The following PTPRQ variants were observed in gnomAD, a reference collection of about 807,000 sequenced individuals.
PTPRQ encodes protein tyrosine phosphatase receptor type Q, also known as phosphatidylinositol phosphatase PTPRQ.
Under a neutral mutation model 246.0 loss-of-function variants are expected in PTPRQ, and 199 were observed. The observed-to-expected ratio is 0.81, with a 90% CI of 0.72 to 0.91. The LOEUF (loss-of-function observed/expected upper bound fraction) is 0.91, where lower values mean the gene tolerates loss of function less well. PTPRQ is among the 40% of genes least tolerant of loss of function. PTPRQ has a pLI of 0.00. For missense variants in PTPRQ, 2,624 were observed against 2,528.4 expected (o/e 1.04, Z -0.81); for synonymous variants, 869 against 853.2 (o/e 1.02, Z -0.32).
intron 17 of PTPRQ, among the ~76,000 whole-genome samples, chr12:80,521,744 C>A (rs1012734241): frequency 6.6e-6 from 1 of 152,100 alleles, no homozygotes; most frequent in African/African-American, 2.4e-5. Context: ...GTACCAGTAC[C>A]ATGCTGTTTT....
At chr12:80,508,860 G>A (rs555494921) in intron 16 of PTPRQ, among the ~76,000 whole-genome samples, 29 of 152,062 alleles carry the variant, frequency 1.9e-4, no homozygotes, top group African/African-American at 6.5e-4. Flanking sequence ...AAGACACCAC[G>A]CTTTATCTGG....
intron 27 of PTPRQ, among the ~76,000 whole-genome samples, chr12:80,609,526 A>G (rs146447165): frequency 1.0e-3 from 152 of 150,740 alleles, no homozygotes; most frequent in African/African-American, 3.6e-3. Context: ...CCTTCTACTT[A>G]GTGCTAGCAA....
At chr12:80,659,781 A>G (rs1300071211) in intron 39 of PTPRQ, among the ~76,000 whole-genome samples, 1 of 152,086 alleles carries the variant, frequency 6.6e-6, no homozygotes, top group Non-Finnish European at 1.5e-5. Flanking sequence ...TAAATCTTAC[A>G]ACAACGTCAC....
chr12:80,514,558 A>T (rs1281734381), intron 17 of PTPRQ, among the ~76,000 whole-genome samples: 5 of 143,390 alleles, frequency 3.5e-5, no homozygotes, highest in South Asian at 2.1e-4. Flanking sequence ...TATATATATA[A>T]ATATATATTA....
chr12:80,467,417 A>T (rs1210148765), intron 6 of PTPRQ, among the ~76,000 whole-genome samples: 2 of 152,108 alleles, frequency 1.3e-5, no homozygotes, highest in East Asian at 3.9e-4. Context: ...TGGGACTGTA[A>T]ACTAGTTCAA....
chr12:80,444,366 T>C lies in PTPRQ; in HGVS notation c.21T>C (p.Phe7=). The change falls in exon 1 of 45, where the codon TTT becomes TTC. Residue 7 remains phenylalanine, a synonymous_variant. Transcript: ENST00000644991. MDFLII[F]LLLFIGTSET... ...TAAAGATGGATTTTCTTATCATTTTTCTTTTACTTTTTATTGGGACTTCAG... is the reference window on the plus strand; with the variant it reads ...TAAAGATGGATTTTCTTATCATTTTCCTTTTACTTTTTATTGGGACTTCAG... 2 of 1,475,178 alleles carry C rather than the reference T, an allele frequency of 1.4e-6. No homozygotes were observed. The highest frequency in any genetic ancestry group is 1.9e-6 in the Non-Finnish European group (2 of 1,080,890). The allele number at this position is 1,475,178 out of a possible 1,614,324, so 91.4% of individuals were successfully genotyped here.
chr12:80,647,248 GAAT>G lies in PTPRQ; in HGVS notation c.5916-1644_5916-1642del, dbSNP rs1384442943. On this transcript the variant is annotated intron_variant, in intron 35 of 44. Coordinates refer to ENST00000644991, the MANE Select transcript of PTPRQ (RefSeq NM_001145026.2). ...TGCTTAAATTTTGCCAATCACAATG[GAAT>G]AATATTTGCTGTTATTATAAAAGTT... 2.6e-5 allele frequency among the ~76,000 whole-genome samples: 4 copies of G among 152,130 alleles called. No homozygotes were observed. In the East Asian group the frequency reaches 5.8e-4, roughly 22 times the overall value.
intron 33 of PTPRQ, among the ~76,000 whole-genome samples, chr12:80,629,126 G>A (rs767215369): frequency 2.0e-5 from 3 of 151,640 alleles, no homozygotes; most frequent in Admixed American, 6.6e-5. Context: ...TATGGTGGGG[G>A]GAGGAGGAGG....
chr12:80,457,597 G>A lies in PTPRQ; in HGVS notation c.413G>A (p.Gly138Asp), dbSNP rs74814860. Reference sequence around the variant, plus strand: ...TAGGTTGCTGCTGAAAACAGTGCTGGCATTGGAGTGTTTAGTGATCCATTT... The same window carrying A: ...TAGGTTGCTGCTGAAAACAGTGCTGACATTGGAGTGTTTAGTGATCCATTT... ...EIKVAAENSA[G>D]IGVFSDPFLF... The change falls in exon 4 of 45, where the codon GGC becomes GAC. Residue 138 changes from glycine (G) to aspartate (D), a missense_variant. Physicochemically the swap from Gly to Asp is moderately conservative, Grantham distance 94. Transcript: ENST00000644991. The A allele has an allele frequency of 3.1e-3, 1,248 of 400,236 alleles. 13 individuals carry two copies. Among genetic ancestry groups the A allele is most frequent in the African/African-American group, 0.018 (863 of 48,760 alleles). The allele number at this position is 400,236 out of a possible 1,614,324, so 24.8% of individuals were successfully genotyped here.
chr12:80,470,455 C>G (rs1189248205), intron 7 of PTPRQ, among the ~76,000 whole-genome samples: 1 of 152,040 alleles, frequency 6.6e-6, no homozygotes, highest in Non-Finnish European at 1.5e-5. Flanking sequence ...TATTAGAGGT[C>G]TGAGCAGAGA....
Position 80,494,935 on chromosome 12 carries a change from A to G in PTPRQ, c.1543A>G (p.Thr515Ala). Residue 515 changes from threonine to alanine, a missense_variant and splice_region_variant, in exon 11 of 45, where the codon ACT becomes GCT. Coordinates refer to ENST00000644991, the MANE Select transcript of PTPRQ (RefSeq NM_001145026.2). ...CTCTTTTTACTGAATTCAAACAGTA[A>G]CTACAAGGAATCAGTATATTACTGA... ...RAEDQTSPVV[T>A]TRNQYITDIA... 1 of 1,531,864 alleles carries G rather than the reference A, an allele frequency of 6.5e-7. No homozygotes were observed. Among genetic ancestry groups the G allele is most frequent in the Non-Finnish European group, 8.8e-7 (1 of 1,138,150 alleles). The allele number at this position is 1,531,864 out of a possible 1,614,324, so 94.9% of individuals were successfully genotyped here. A position where few individuals can be genotyped will look rare whatever the true frequency, so the allele number is the denominator to read the frequency against.
intron 8 of PTPRQ, among the ~76,000 whole-genome samples, chr12:80,483,458 G>A (rs1374781349): frequency 5.3e-5 from 8 of 149,852 alleles, no homozygotes; most frequent in Middle Eastern, 3.4e-3. Context: ...GCGCACCAGC[G>A]TGGCACATGT....
chr12:80,549,421 C>T (rs1228263950), intron 24 of PTPRQ, 44 bp from the exon 25 acceptor site: 2 of 1,485,972 alleles, frequency 1.3e-6, no homozygotes, highest in South Asian at 2.8e-5. Flanking sequence ...TATCTACTTA[C>T]ATATGTATAC....
intron 44 of PTPRQ, 34 bp from the exon 45 acceptor site, chr12:80,678,952 A>G: frequency 6.6e-7 from 1 of 1,526,038 alleles, no homozygotes; most frequent in Non-Finnish European, 8.8e-7. Flanking sequence ...GTTAACTTCA[A>G]CACTCTCTTG....
At chr12:80,661,779 A>T (rs1037296363) in intron 39 of PTPRQ, among the ~76,000 whole-genome samples, 2 of 151,838 alleles carry the variant, frequency 1.3e-5, no homozygotes, top group African/African-American at 2.4e-5. Context: ...ACTTTAACAT[A>T]AAAAAATCTG....
intron 17 of PTPRQ, among the ~76,000 whole-genome samples, chr12:80,522,368 T>C (rs978227079): frequency 2.6e-5 from 4 of 152,180 alleles, no homozygotes; most frequent in African/African-American, 7.2e-5. Flanking sequence ...TTCTCCTGCC[T>C]AATCGACCTG....
intron 33 of PTPRQ, among the ~76,000 whole-genome samples, chr12:80,627,330 T>C (rs1016020773): frequency 6.8e-6 from 1 of 147,768 alleles, no homozygotes; most frequent in African/African-American, 2.5e-5. Context: ...AGTCCTGTTA[T>C]AAGAACTCAA....
intron 8 of PTPRQ, among the ~76,000 whole-genome samples, chr12:80,477,955 G>A (rs1270178536): frequency 6.6e-6 from 1 of 152,238 alleles, no homozygotes; most frequent in African/African-American, 2.4e-5. Flanking sequence ...GCTGGGTGAG[G>A]GGCGCCCGCC....
chr12:80,449,493 GT>G (rs1892673292), intron 3 of PTPRQ, among the ~76,000 whole-genome samples: 1 of 152,262 alleles, frequency 6.6e-6, no homozygotes, highest in Non-Finnish European at 1.5e-5. Flanking sequence ...TACTTCTAGG[GT>G]TTTTATGGTT....
Sources: gnomAD v4.1 joint callset for allele counts (sites outside exome capture counted in the v4.1 genomes callset) on GRCh38, gnomAD v4.1.1 for gene constraint, MANE v1.5 for transcripts, NCBI Gene and HGNC (gene_info 2026-07-23, HGNC 2026-07-21) for gene names.